The following ATP2B2 variants were observed in gnomAD, a reference collection of about 807,000 sequenced individuals.
ATP2B2 encodes ATPase plasma membrane Ca2+ transporting 2.
Under a neutral mutation model 120.0 loss-of-function variants are expected in ATP2B2, and 15 were observed. The observed-to-expected ratio is 0.12, with a 90% CI of 0.08 to 0.19. ATP2B2 has a LOEUF of 0.19. Ranked by LOEUF, ATP2B2 falls within the 10% of genes least tolerant of loss-of-function variation. The probability of loss-of-function intolerance (pLI) is 1.00; values close to 1 mark genes in which losing one functional copy is unlikely to be tolerated. For synonymous variants in ATP2B2, 694 were observed against 700.3 expected (o/e 0.99, Z 0.14); for missense variants, 1,045 against 1,719.8 (o/e 0.61, Z 6.94).
chr3:10,457,226 A>G (rs111242130), intron 1 of ATP2B2, among the ~76,000 whole-genome samples: 1,686 of 151,744 alleles, frequency 0.011, 40 homozygotes, highest in African/African-American at 0.039. Context: ...GTGGGTGTGT[A>G]GGGTGTATGG....
chr3:10,665,231 C>T (rs1057311780), intron 1 of ATP2B2, among the ~76,000 whole-genome samples: 8 of 152,244 alleles, frequency 5.3e-5, no homozygotes, highest in African/African-American at 1.7e-4. Flanking sequence ...CCTCAGCCTG[C>T]ACCATGCCCT....
In ATP2B2 at chr3:10,387,265, G is replaced by C. The variant is rs116577237; in HGVS notation, c.908-753C>G. The stretch of plus-strand genomic sequence containing the variant: ...TCAGCCCCATTGTCCTGCTGGAGGG[G>C]CCACCATAATCTTAGGGGACCCCCT... On this transcript the variant is annotated intron_variant, in intron 6 of 22. Transcript: ENST00000360273. Among the ~76,000 whole-genome samples, 991 of 152,310 alleles carry C rather than the reference G, an allele frequency of 6.5e-3. 17 individuals carry two copies. The highest frequency in any genetic ancestry group is 0.022 in the African/African-American group (909 of 41,564).
At chr3:10,334,765 C>T (rs1038986843) in intron 22 of ATP2B2, among the ~76,000 whole-genome samples, 4 of 152,172 alleles carry the variant, frequency 2.6e-5, no homozygotes, top group East Asian at 3.8e-4. Context: ...CTACTGGAGG[C>T]ACTGAGGGAG....
chr3:10,380,205 C>A (rs1185894763), intron 8 of ATP2B2, among the ~76,000 whole-genome samples: 1 of 152,250 alleles, frequency 6.6e-6, no homozygotes, highest in Non-Finnish European at 1.5e-5. Context: ...CCAGCCTTGG[C>A]CAGGAGCTTG....
intron 2 of ATP2B2, among the ~76,000 whole-genome samples, chr3:10,430,689 C>T (rs1229971238): frequency 1.3e-5 from 2 of 151,758 alleles, no homozygotes; most frequent in African/African-American, 2.4e-5. Context: ...TTGGAGAAAT[C>T]ACAGTATCAG....
At chr3:10,378,704 C>T (rs1053773611) in intron 9 of ATP2B2, among the ~76,000 whole-genome samples, 4 of 152,216 alleles carry the variant, frequency 2.6e-5, no homozygotes, top group Non-Finnish European at 5.9e-5. Context: ...CCTGTGAGTC[C>T]TACCCTAGGT....
chr3:10,623,291 C>G (rs1028449736), intron 1 of ATP2B2, among the ~76,000 whole-genome samples: 13 of 152,130 alleles, frequency 8.5e-5, no homozygotes, highest in African/African-American at 2.9e-4. Flanking sequence ...ACTCCTGGCT[C>G]AAGCAATACT....
At position 10,449,656 on chromosome 3, in the gene ATP2B2, C is replaced by T; in HGVS notation, c.-113G>A. Reference sequence around the variant, plus strand: ...GCACACCCTCACTGGTCAGCTGTGGCACCAGGCGGCCGACTCCGGGTCCCG... The same window carrying T: ...GCACACCCTCACTGGTCAGCTGTGGTACCAGGCGGCCGACTCCGGGTCCCG... On this transcript the variant is annotated 5_prime_UTR_variant, in exon 2 of 23. Coordinates refer to ENST00000360273, the MANE Select transcript of ATP2B2 (RefSeq NM_001001331.4). The T allele has an allele frequency of 7.2e-7, 1 of 1,383,924 alleles. No individual in the cohort carries two copies. Among genetic ancestry groups the T allele is most frequent in the Admixed American group, 1.7e-5 (1 of 57,556 alleles). 85.7% of individuals were successfully genotyped at this position (1,383,924 alleles called of 1,614,324 possible).
intron 2 of ATP2B2, among the ~76,000 whole-genome samples, chr3:10,554,728 T>G (rs909966987): frequency 2.0e-5 from 3 of 152,208 alleles, no homozygotes; most frequent in Non-Finnish European, 2.9e-5. Flanking sequence ...TACACCACAC[T>G]TAGAAATCTG....
chr3:10,365,072 A>C (rs2061004321), intron 12 of ATP2B2, among the ~76,000 whole-genome samples: 1 of 152,244 alleles, frequency 6.6e-6, no homozygotes, highest in Non-Finnish European at 1.5e-5. Flanking sequence ...AGAGTCATGC[A>C]CAACTGAGGC....
upstream of ATP2B2, among the ~76,000 whole-genome samples, chr3:10,508,203 C>T (rs2066685830): frequency 6.6e-6 from 1 of 152,228 alleles, no homozygotes; most frequent in African/African-American, 2.4e-5. Context: ...CCCCTATCTC[C>T]TGAGGCAGTG....
chr3:10,466,428 C>G (rs919082838), intron 1 of ATP2B2, among the ~76,000 whole-genome samples: 1 of 152,032 alleles, frequency 6.6e-6, no homozygotes, highest in Non-Finnish European at 1.5e-5. Flanking sequence ...ATGTGCATTT[C>G]GGAAATAAGA....
intron 3 of ATP2B2, among the ~76,000 whole-genome samples, chr3:10,403,614 G>A (rs7621858): frequency 3.9e-5 from 6 of 152,128 alleles, no homozygotes; most frequent in African/African-American, 9.7e-5. Flanking sequence ...CCTGGGGAGC[G>A]GCCATTTCCA....
intron 1 of ATP2B2, among the ~76,000 whole-genome samples, chr3:10,684,426 C>A (rs1273989156): frequency 3.9e-5 from 6 of 152,208 alleles, no homozygotes; most frequent in Admixed American, 2.6e-4. Flanking sequence ...TTGTACTTTG[C>A]AGTTATGTGA....
At chr3:10,514,527 C>T (rs1254460971) in intron 3 of ATP2B2, among the ~76,000 whole-genome samples, 24 of 152,144 alleles carry the variant, frequency 1.6e-4, no homozygotes, top group Non-Finnish European at 4.4e-5. Flanking sequence ...CTGGAGGTGC[C>T]GCTGCATTCC....
At chr3:10,665,676 G>A (rs1207293458) in intron 1 of ATP2B2, among the ~76,000 whole-genome samples, 1 of 152,188 alleles carries the variant, frequency 6.6e-6, no homozygotes, top group Non-Finnish European at 1.5e-5. Context: ...TGCTTGGAGG[G>A]CATGCCAAAT....
chr3:10,351,209 G>A (rs2060569067), intron 14 of ATP2B2, among the ~76,000 whole-genome samples: 1 of 152,170 alleles, frequency 6.6e-6, no homozygotes, highest in Non-Finnish European at 1.5e-5. Flanking sequence ...CCGGATCAGA[G>A]CCAGCCAATC....
At chr3:10,612,525 A>G (rs150974915) in intron 2 of ATP2B2, among the ~76,000 whole-genome samples, 54 of 152,016 alleles carry the variant, frequency 3.6e-4, no homozygotes, top group Non-Finnish European at 6.9e-4. Context: ...TCTCCCCACT[A>G]CTAAGTGTGG....
At chr3:10,372,368 T>C (rs1414585467) in intron 11 of ATP2B2, among the ~76,000 whole-genome samples, 2 of 152,198 alleles carry the variant, frequency 1.3e-5, no homozygotes, top group Non-Finnish European at 2.9e-5. Flanking sequence ...ATAAGGTTGG[T>C]TCCCTCTCTG....
Sources: allele counts gnomAD v4.1 joint callset (sites outside exome capture counted in the v4.1 genomes callset), GRCh38; gene constraint gnomAD v4.1.1; transcripts MANE v1.5; gene names NCBI Gene and HGNC (gene_info 2026-07-23, HGNC 2026-07-21).